ACBD6: variants seen among roughly 807,000 people sequenced by gnomAD.
ACBD6 encodes acyl-CoA binding domain containing 6.
Under a neutral mutation model 37.2 loss-of-function variants are expected in ACBD6, and 28 were observed. The ratio of observed to expected loss-of-function variants is 0.75; its 90% confidence interval spans 0.56 to 1.03. The LOEUF is 1.03. Ranked by LOEUF, ACBD6 falls within the 50% of genes least tolerant of loss-of-function variation. The pLI, the probability that ACBD6 is intolerant of heterozygous loss-of-function variation, is 0.00. For synonymous variants in ACBD6, 113 were observed against 126.8 expected (o/e 0.89, Z 0.73); for missense variants, 340 against 337.4 (o/e 1.01, Z -0.06).
chr1:180,320,328 T>C (rs759093668), intron 6 of ACBD6, among the ~76,000 whole-genome samples: 2 of 152,200 alleles, frequency 1.3e-5, no homozygotes, highest in Non-Finnish European at 2.9e-5. Flanking sequence ...ATTCAAATCA[T>C]TTGCCCATTT....
chr1:180,347,142 G>C (rs961216227), intron 6 of ACBD6, among the ~76,000 whole-genome samples: 3 of 152,154 alleles, frequency 2.0e-5, no homozygotes, highest in Admixed American at 2.0e-4. Flanking sequence ...TAGTAGTAAA[G>C]AGCTGTGGGT....
intron 6 of ACBD6, among the ~76,000 whole-genome samples, chr1:180,364,525 C>T (rs114324537): frequency 0.035 from 5,327 of 152,148 alleles, 210 homozygotes; most frequent in Admixed American, 0.11. Context: ...AGAACTAAAA[C>T]GAGAGTGAGT....
chr1:180,355,061 T>C (rs1284738058), intron 6 of ACBD6, among the ~76,000 whole-genome samples: 2 of 152,302 alleles, frequency 1.3e-5, no homozygotes, highest in East Asian at 3.9e-4. Context: ...TTTATGTCAA[T>C]TGTGAGTAAA....
At chr1:180,426,488 T>C (rs1310047284) in intron 4 of ACBD6, among the ~76,000 whole-genome samples, 1 of 152,204 alleles carries the variant, frequency 6.6e-6, no homozygotes, top group Non-Finnish European at 1.5e-5. Context: ...GCGGTATAAA[T>C]GAAAAACAGC....
chr1:180,291,141 G>T (rs998851854), intron 7 of ACBD6, among the ~76,000 whole-genome samples: 3 of 152,130 alleles, frequency 2.0e-5, no homozygotes, highest in African/African-American at 7.2e-5. Flanking sequence ...GCAGTCATCT[G>T]GGCTGCTTCC....
rs1288600531 is a variant in ACBD6, at chr1:180,395,312, T to C, written c.663+2204A>G. 3.9e-5 allele frequency among the ~76,000 whole-genome samples: 6 copies of C among 152,154 alleles called. 1 individual carries two copies. The highest frequency in any genetic ancestry group is 8.8e-5 in the Non-Finnish European group (6 of 68,016). On this transcript the variant is annotated intron_variant, in intron 6 of 7. Coordinates refer to ENST00000367595, the MANE Select transcript of ACBD6 (RefSeq NM_032360.4). ...GGATATCAAAGAAGAGATATGTGTGTCTGGAGCTACTGGCTGAGATCTGGG... is the reference window on the plus strand; with the variant it reads ...GGATATCAAAGAAGAGATATGTGTGCCTGGAGCTACTGGCTGAGATCTGGG...
chr1:180,284,662 G>A (rs1649420175), downstream of ACBD6, among the ~76,000 whole-genome samples: 1 of 152,060 alleles, frequency 6.6e-6, no homozygotes, highest in South Asian at 2.1e-4. Context: ...GAGCCACCGA[G>A]CCTGGCCGAT....
intron 9 of ACBD6, among the ~76,000 whole-genome samples, chr1:180,279,300 T>A (rs181363983): frequency 4.1e-3 from 624 of 152,286 alleles, no homozygotes; most frequent in East Asian, 7.9e-3. Flanking sequence ...AGTGGCATTT[T>A]TAAAATTTTT....
At chr1:180,405,514 G>A (rs554353295) in intron 5 of ACBD6, among the ~76,000 whole-genome samples, 8 of 152,308 alleles carry the variant, frequency 5.3e-5, no homozygotes, top group African/African-American at 1.9e-4. Flanking sequence ...AATGAACTAT[G>A]TATGAATGCT....
intron 4 of ACBD6, among the ~76,000 whole-genome samples, chr1:180,422,902 C>T (rs1042094782): frequency 6.6e-6 from 1 of 152,150 alleles, no homozygotes; most frequent in African/African-American, 2.4e-5. Flanking sequence ...TACAAAAGTA[C>T]TGCAGTAGTA....
At chr1:180,323,548 C>T (rs960885250) in intron 6 of ACBD6, among the ~76,000 whole-genome samples, 1 of 152,004 alleles carries the variant, frequency 6.6e-6, no homozygotes, top group African/African-American at 2.4e-5. Context: ...CTCTTTACCT[C>T]TAATAATATT....
intron 6 of ACBD6, among the ~76,000 whole-genome samples, chr1:180,318,148 T>A: frequency 2.0e-5 from 2 of 98,120 alleles, no homozygotes; most frequent in Admixed American, 1.5e-4. Flanking sequence ...GGTGACAGAG[T>A]AAGATTCCAT....
chr1:180,355,343 T>A (rs1267943329), intron 6 of ACBD6, among the ~76,000 whole-genome samples: 5 of 152,244 alleles, frequency 3.3e-5, no homozygotes, highest in African/African-American at 1.2e-4. Context: ...CATACGTATA[T>A]GGAGGTTTTA....
intron 6 of ACBD6, among the ~76,000 whole-genome samples, chr1:180,392,095 A>G (rs1427884333): frequency 6.6e-6 from 1 of 152,210 alleles, no homozygotes; most frequent in Non-Finnish European, 1.5e-5. Context: ...AAGAAGAGTT[A>G]GAACTAATCA....
chr1:180,397,369 C>T, intron 6 of ACBD6, 147 bp downstream of exon 6: 1 of 759,024 alleles, frequency 1.3e-6, no homozygotes, highest in South Asian at 1.5e-5. Context: ...TATTACGGAA[C>T]TATATAGTAG....
At chr1:180,401,675 T>C (rs1647371207) in intron 5 of ACBD6, among the ~76,000 whole-genome samples, 1 of 151,234 alleles carries the variant, frequency 6.6e-6, no homozygotes, top group Non-Finnish European at 1.5e-5. Flanking sequence ...TAATCCCAGC[T>C]ACTTGGGAGG....
intron 3 of ACBD6, among the ~76,000 whole-genome samples, chr1:180,460,210 A>G (rs1571540415): frequency 7.0e-6 from 1 of 143,040 alleles, no homozygotes; most frequent in African/African-American, 2.6e-5. Context: ...ACTGGGTGGG[A>G]CTTACCAACA....
intron 6 of ACBD6, among the ~76,000 whole-genome samples, chr1:180,392,102 A>G (rs1654099475): frequency 6.6e-6 from 1 of 152,182 alleles, no homozygotes. Context: ...GTTAGAACTA[A>G]TCAGGGGTCA....
intron 7 of ACBD6, among the ~76,000 whole-genome samples, chr1:180,301,772 T>C (rs190334209): frequency 2.0e-5 from 3 of 152,240 alleles, no homozygotes; most frequent in African/African-American, 4.8e-5. Context: ...CACAATTTAC[T>C]GGAGGGACAA....
Sources: gnomAD v4.1 joint callset for allele counts (sites outside exome capture counted in the v4.1 genomes callset) on GRCh38, gnomAD v4.1.1 for gene constraint, MANE v1.5 for transcripts, NCBI Gene and HGNC (gene_info 2026-07-23, HGNC 2026-07-21) for gene names.